Variants in PTPRN2 observed in about 807,000 individuals in gnomAD.
The protein encoded by PTPRN2 is receptor-type tyrosine-protein phosphatase N2.
A neutral mutation model predicts 118.8 loss-of-function variants in PTPRN2; 74 were observed. The ratio of observed to expected loss-of-function variants is 0.62; its 90% CI spans 0.52 to 0.76. The LOEUF (loss-of-function observed/expected upper bound fraction) is 0.76, where lower values mean the gene tolerates loss of function less well. PTPRN2 is among the 30% of genes least tolerant of loss of function. The pLI is 0.00. For missense variants in PTPRN2, 1,481 were observed against 1,394.4 expected (o/e 1.06, Z -0.99); for synonymous variants, 641 against 608.0 (o/e 1.05, Z -0.80).
chr7:157,755,246 GTT>G (rs1801712738), intron 12 of PTPRN2, among the ~76,000 whole-genome samples: 1 of 152,188 alleles, frequency 6.6e-6, no homozygotes, highest in African/African-American at 2.4e-5. Context: ...ATATTGAGAT[GTT>G]TAGACTATTC....
chr7:157,629,986 C>T lies in PTPRN2; in HGVS notation c.2197-8477G>A, dbSNP rs1803839814. 6.6e-6 allele frequency among the ~76,000 whole-genome samples: 1 copy of T among 152,164 alleles called. No homozygotes were observed. Among genetic ancestry groups the T allele is most frequent in the African/African-American group, 2.4e-5 (1 of 41,442 alleles). On this transcript the variant is annotated intron_variant, in intron 14 of 22. Coordinates refer to ENST00000389418, the MANE Select transcript of PTPRN2 (RefSeq NM_002847.5). The surrounding 1 kb of genome is among the most constrained non-coding windows in gnomAD (Gnocchi z 4.4). ...TTGGGGAAATGATGACCTTTTCTTTCTTTAAAAATAAACACAGTCACCTGT... is the reference window on the plus strand; with the variant it reads ...TTGGGGAAATGATGACCTTTTCTTTTTTTAAAAATAAACACAGTCACCTGT...
In PTPRN2 at chr7:158,204,589, C is replaced by T. The variant is rs542015681; in HGVS notation, c.380+582G>A. ...CAATGGCTCAGGAATCCGACAGTGC[C>T]AGCTTTCTTACTGTGGTTTGTCTTT... On this transcript the variant is annotated intron_variant, in intron 4 of 22. Transcript: ENST00000389418. Among the ~76,000 whole-genome samples the T allele has an allele frequency of 7.9e-5, 12 of 152,106 alleles. No individual in the cohort carries two copies. The South Asian group carries it at 2.5e-3, about 32-fold the overall frequency.
At chr7:158,203,923 CAA>C (rs1826878799) in intron 4 of PTPRN2, among the ~76,000 whole-genome samples, 2 of 152,248 alleles carry the variant, frequency 1.3e-5, no homozygotes, top group South Asian at 4.1e-4. Flanking sequence ...CACAGAAGCA[CAA>C]AGAGGCAGCC....
intron 10 of PTPRN2, among the ~76,000 whole-genome samples, chr7:158,100,672 A>G (rs1319778609): frequency 1.3e-5 from 2 of 152,018 alleles, no homozygotes; most frequent in African/African-American, 4.8e-5. Context: ...GCATTTTTTC[A>G]TATGTTTGTT....
chr7:158,128,967 C>T (rs1817924803), intron 9 of PTPRN2, among the ~76,000 whole-genome samples: 1 of 149,144 alleles, frequency 6.7e-6, no homozygotes, highest in Non-Finnish European at 1.5e-5. Context: ...ACACACACAA[C>T]ATACCCCACA....
At chr7:158,188,184 CG>C (rs1563576281) in intron 5 of PTPRN2, among the ~76,000 whole-genome samples, 8 of 117,804 alleles carry the variant, frequency 6.8e-5, no homozygotes, top group Admixed American at 9.1e-5. Context: ...ACGCTCGCCC[CG>C]CGATGGGGAA....
In PTPRN2 at chr7:157,590,429, T is replaced by C. The variant is rs1800916359; in HGVS notation, c.2496+4809A>G. Among the ~76,000 whole-genome samples, 1 of 152,242 alleles carries C rather than the reference T, an allele frequency of 6.6e-6. No homozygotes were observed. Among genetic ancestry groups the C allele is most frequent in the South Asian group, 2.1e-4 (1 of 4,834 alleles). On this transcript the variant is annotated intron_variant, in intron 17 of 22. Transcript: ENST00000389418. The surrounding 1 kb of genome is among the most constrained non-coding windows in gnomAD (Gnocchi z 4.0). Reference sequence around the variant, plus strand: ...TCACAGACAAGGAATTAATTTGGGGTACATCTTCCTTTAGGTAATGAATTT... The same window carrying C: ...TCACAGACAAGGAATTAATTTGGGGCACATCTTCCTTTAGGTAATGAATTT...
rs1431544867 is a variant in PTPRN2 at position 158,192,334 on chromosome 7, G to T, written c.542C>A (p.Pro181His). 1.4e-6 allele frequency: 2 copies of T among 1,477,052 alleles called. No individual in the cohort carries two copies. The highest frequency in any genetic ancestry group is 2.7e-5 in the East Asian group (1 of 36,522). The allele number at this position is 1,477,052 out of a possible 1,614,324, so 91.5% of individuals were successfully genotyped here. A position where few individuals can be genotyped will look rare whatever the true frequency, so the allele number is the denominator to read the frequency against. Residue 181 changes from proline (P) to histidine (H), a missense_variant, in exon 5 of 23, where the codon CCC becomes CAC. Pro to His is a moderately conservative substitution (Grantham distance 77). Transcript: ENST00000389418. Reference sequence around the variant, plus strand: ...AGGAAGTGGAAGGGTCACCTCAGCGGGGGGTCTGTCCTGCGCCGTATGGGT... The same window carrying T: ...AGGAAGTGGAAGGGTCACCTCAGCGTGGGGTCTGTCCTGCGCCGTATGGGT... ...ARTHTAQDRP[P>H]AEGDDRFSES...
At chr7:158,290,515 C>T (rs1216736103) in intron 3 of PTPRN2, among the ~76,000 whole-genome samples, 1 of 152,076 alleles carries the variant, frequency 6.6e-6, no homozygotes, top group African/African-American at 2.4e-5. Flanking sequence ...TTGGGGCAGG[C>T]CTGAAGCCTC....
intron 15 of PTPRN2, among the ~76,000 whole-genome samples, chr7:157,605,368 C>T (rs1801941649): frequency 6.6e-6 from 1 of 152,216 alleles, no homozygotes; most frequent in Non-Finnish European, 1.5e-5. Context: ...TACCAGGAAC[C>T]ACAGGGTCCC....
chr7:158,271,026 CGG>C (rs1798455272), intron 3 of PTPRN2, among the ~76,000 whole-genome samples: 3 of 121,418 alleles, frequency 2.5e-5, no homozygotes, highest in Non-Finnish European at 3.5e-5. Flanking sequence ...TCCACCTGGA[CGG>C]CCCCCTCCAC....
intron 10 of PTPRN2, among the ~76,000 whole-genome samples, chr7:158,095,136 C>T (rs1814530212): frequency 6.6e-6 from 1 of 151,912 alleles, no homozygotes; most frequent in Admixed American, 6.6e-5. Context: ...ATAACCTGCC[C>T]CGCCCATCTG....
At chr7:157,966,733 C>T (rs1338092433) in intron 11 of PTPRN2, among the ~76,000 whole-genome samples, 2 of 152,064 alleles carry the variant, frequency 1.3e-5, no homozygotes, top group African/African-American at 2.4e-5. Context: ...TCACCACCAT[C>T]GTCTTCATTA....
chr7:157,798,213 C>G (rs911952110), intron 12 of PTPRN2, among the ~76,000 whole-genome samples: 1 of 152,134 alleles, frequency 6.6e-6, no homozygotes, highest in African/African-American at 2.4e-5. Flanking sequence ...GAGCTGAGAT[C>G]GTGCCACTGC....
chr7:157,601,946 A>G (rs879918155), intron 16 of PTPRN2, among the ~76,000 whole-genome samples: 1 of 152,230 alleles, frequency 6.6e-6, no homozygotes, highest in Middle Eastern at 3.2e-3. Flanking sequence ...CCAGGCGCGC[A>G]CACCTGGCTT....
intron 9 of PTPRN2, among the ~76,000 whole-genome samples, chr7:158,111,967 C>T (rs1358928342): frequency 6.6e-6 from 1 of 152,190 alleles, no homozygotes; most frequent in Admixed American, 6.5e-5. Flanking sequence ...GACTCAGAGA[C>T]AAACGCACAG....
chr7:157,702,129 G>C (rs1345148583), intron 12 of PTPRN2, among the ~76,000 whole-genome samples: 11 of 132,676 alleles, frequency 8.3e-5, no homozygotes, highest in African/African-American at 2.8e-4. Context: ...CTCTGCCTTT[G>C]TGTGAAAGCC....
intron 11 of PTPRN2, among the ~76,000 whole-genome samples, chr7:158,069,544 G>A (rs1393167967): frequency 4.3e-5 from 6 of 137,950 alleles, no homozygotes; most frequent in East Asian, 2.1e-4. Context: ...AGGCTCGGCC[G>A]CCACGCCCCA....
intron 11 of PTPRN2, among the ~76,000 whole-genome samples, chr7:158,036,237 C>T (rs1808081038): frequency 6.6e-6 from 1 of 151,866 alleles, no homozygotes; most frequent in Non-Finnish European, 1.5e-5. Context: ...TGAAATGAAT[C>T]ATTTTTAGGA....
Sources: gnomAD v4.1 joint callset for allele counts (sites outside exome capture counted in the v4.1 genomes callset) on GRCh38, gnomAD v4.1.1 for gene constraint, Gnocchi (gnomAD v3.1) non-coding constraint, MANE v1.5 for transcripts, NCBI Gene and HGNC (gene_info 2026-07-23, HGNC 2026-07-21) for gene names.